The following MOB2 variants were observed in gnomAD, a reference collection of about 807,000 sequenced individuals.
MOB2 encodes MOB kinase activator 2, also known as MOB2 Mps One Binder homolog.
MOB2 carries 14 observed loss-of-function variants against 27.4 expected under a neutral mutation model. The observed-to-expected ratio is 0.51, with a 90% CI of 0.34 to 0.80. The LOEUF is 0.80. MOB2 is among the 30% of genes least tolerant of loss of function. The pLI is 0.01. For synonymous variants in MOB2, 167 were observed against 151.8 expected (o/e 1.10, Z -0.74); for missense variants, 304 against 354.6 (o/e 0.86, Z 1.15).
chr11:1,485,456 T>TG, intron 1 of MOB2, among the ~76,000 whole-genome samples: 1 of 152,332 alleles, frequency 6.6e-6, no homozygotes, highest in Non-Finnish European at 1.5e-5. Flanking sequence ...CCGGCACTCT[T>TG]GTGTCTACTT....
At chr11:1,476,207 T>A (rs1847850915) in intron 3 of MOB2, among the ~76,000 whole-genome samples, 1 of 152,264 alleles carries the variant, frequency 6.6e-6, no homozygotes, top group African/African-American at 2.4e-5. Flanking sequence ...CATAGTTGAC[T>A]GTGGGTAACG....
intron 3 of MOB2, among the ~76,000 whole-genome samples, chr11:1,473,675 T>C (rs1290644982): frequency 6.6e-6 from 1 of 152,278 alleles, no homozygotes; most frequent in African/African-American, 2.4e-5. Flanking sequence ...CTGTGGATTG[T>C]CCCATCTGTT....
At position 1,470,545 on chromosome 11, in the gene MOB2, A is replaced by T. The variant is rs527244378; in HGVS notation, c.491-57T>A. On this transcript the variant is annotated intron_variant, in intron 4 of 4. Coordinates refer to ENST00000329957, the MANE Select transcript of MOB2 (RefSeq NM_001172223.3). ...ACATCCCTTGGCCCCAACAGAGGCC[A>T]GGCCCCTGGCACCCAGCCTGGTGGG... 9.7e-6 allele frequency: 15 copies of T among 1,548,364 alleles called. No individual in the cohort carries two copies. In the African/African-American group the frequency reaches 1.9e-4, roughly 20 times the overall value.
intron 1 of MOB2, 33 bp from the exon 2 acceptor site, chr11:1,480,918 C>A: frequency 6.5e-7 from 1 of 1,548,272 alleles, no homozygotes; most frequent in South Asian, 1.2e-5. Context: ...GTGGTCACTA[C>A]ACGCCCATCA....
At chr11:1,477,935 C>T (rs1847870051) in intron 3 of MOB2, among the ~76,000 whole-genome samples, 1 of 152,212 alleles carries the variant, frequency 6.6e-6, no homozygotes, top group Admixed American at 6.5e-5. Context: ...GTTTCTCATT[C>T]CTTATGGTAT....
chr11:1,482,195 C>A (rs759154566), intron 1 of MOB2, among the ~76,000 whole-genome samples: 1 of 152,224 alleles, frequency 6.6e-6, no homozygotes, highest in Non-Finnish European at 1.5e-5. Flanking sequence ...GGCTGCCAAG[C>A]GGGCTACAAG....
At chr11:1,475,935 C>G (rs1386002999) in intron 3 of MOB2, among the ~76,000 whole-genome samples, 4 of 152,232 alleles carry the variant, frequency 2.6e-5, no homozygotes, top group Non-Finnish European at 4.4e-5. Context: ...TGCTTTCTGT[C>G]TTCTCTTTGG....
chr11:1,479,827 A>G (rs1383435647), intron 3 of MOB2, among the ~76,000 whole-genome samples: 5 of 152,330 alleles, frequency 3.3e-5, no homozygotes, highest in African/African-American at 1.2e-4. Flanking sequence ...TGCAGCCTCC[A>G]AGGCTGCTTT....
At chr11:1,479,549 C>T (rs962248332) in intron 3 of MOB2, among the ~76,000 whole-genome samples, 16 of 152,230 alleles carry the variant, frequency 1.1e-4, no homozygotes, top group Non-Finnish European at 1.9e-4. Flanking sequence ...GGACTGAAGC[C>T]AAGGGGACGC....
In MOB2 at chr11:1,471,313, C is replaced by T. The variant is rs752647738; in HGVS notation, c.472G>A (p.Val158Met). ...SVQKLVTDED[V>M]FPTKYGREFP... ...GACGAACCGTATTTTGTGGGGAACA[C>T]GTCCTCATCCGTCACCAGCTTCTGC... Residue 158 changes from valine to methionine, a missense_variant, in exon 4 of 5, where the codon GTG (valine) becomes ATG (methionine). By Grantham distance (21) the Val-to-Met change is conservative. Coordinates refer to ENST00000329957, the MANE Select transcript of MOB2 (RefSeq NM_001172223.3). 3.3e-5 allele frequency: 54 copies of T among 1,612,980 alleles called. No homozygotes were observed. The highest frequency in any genetic ancestry group is 1.1e-4 in the African/African-American group (8 of 74,940).
rs369237453 is a variant in MOB2, at chr11:1,485,692, C to G, written c.110+755G>C. 2.8e-4 allele frequency among the ~76,000 whole-genome samples: 42 copies of G among 152,128 alleles called. 1 individual carries two copies. Among genetic ancestry groups the G allele is most frequent in the South Asian group, 2.5e-3 (12 of 4,810 alleles). On this transcript the variant is annotated intron_variant, in intron 1 of 4. Transcript: ENST00000329957. The stretch of plus-strand genomic sequence containing the variant: ...CACTCACTGCTGCAGCTGGCTGTGC[C>G]TGCCCCACTCCCCCGGCCCCTCATG...
chr11:1,484,351 G>A (rs779612432), intron 1 of MOB2, among the ~76,000 whole-genome samples: 2 of 152,174 alleles, frequency 1.3e-5, no homozygotes, highest in African/African-American at 4.8e-5. Context: ...GCAGGAGAAA[G>A]GCCCGCAGGT....
At chr11:1,480,659 C>G (rs937117426) in intron 2 of MOB2, 66 bp downstream of exon 2, 2 of 1,575,556 alleles carry the variant, frequency 1.3e-6, no homozygotes, top group Non-Finnish European at 1.7e-6. Flanking sequence ...GGGGGTCCCC[C>G]TTGAGGAGGG....
intron 3 of MOB2, among the ~76,000 whole-genome samples, chr11:1,478,525 C>T (rs575718059): frequency 4.3e-4 from 65 of 152,336 alleles, no homozygotes; most frequent in Middle Eastern, 6.8e-3. Flanking sequence ...TCTAAAAGTG[C>T]CACGGTCATT....
intron 1 of MOB2, among the ~76,000 whole-genome samples, chr11:1,482,203 A>G (rs1229916437): frequency 1.3e-5 from 2 of 152,212 alleles, no homozygotes; most frequent in Non-Finnish European, 2.9e-5. Context: ...AGCGGGCTAC[A>G]AGCCGTCTCC....
At chr11:1,482,725 G>T (rs1353708464) in intron 1 of MOB2, among the ~76,000 whole-genome samples, 1 of 152,214 alleles carries the variant, frequency 6.6e-6, no homozygotes, top group Non-Finnish European at 1.5e-5. Context: ...TTTGGACCGG[G>T]TCACTCATTC....
chr11:1,479,276 C>T (rs1467844066), intron 3 of MOB2, among the ~76,000 whole-genome samples: 3 of 152,190 alleles, frequency 2.0e-5, no homozygotes, highest in Non-Finnish European at 2.9e-5. Flanking sequence ...ACAAGGCTCT[C>T]GAGTAGCTCT....
chr11:1,475,651 G>C (rs910204672), intron 3 of MOB2, among the ~76,000 whole-genome samples: 5 of 152,120 alleles, frequency 3.3e-5, no homozygotes, highest in Non-Finnish European at 7.4e-5. Flanking sequence ...GCATATCAGG[G>C]GGTCCCTTGC....
chr11:1,479,597 T>C (rs1479452415), intron 3 of MOB2, among the ~76,000 whole-genome samples: 1 of 152,242 alleles, frequency 6.6e-6, no homozygotes, highest in Non-Finnish European at 1.5e-5. Context: ...CTTGGCTTCT[T>C]GAAGGCAGAA....
Sources: gnomAD v4.1 joint callset for allele counts (sites outside exome capture counted in the v4.1 genomes callset) on GRCh38, gnomAD v4.1.1 for gene constraint, MANE v1.5 for transcripts, NCBI Gene and HGNC (gene_info 2026-07-23, HGNC 2026-07-21) for gene names.